The following FMN1 variants were observed in gnomAD, a reference collection of about 807,000 sequenced individuals.
FMN1 encodes the protein formin 1.
A neutral mutation model predicts 132.4 loss-of-function variants in FMN1; 110 were observed. The ratio of observed to expected loss-of-function variants is 0.83; its 90% CI spans 0.71 to 0.97. FMN1 has a LOEUF of 0.97. Among genes scored for constraint, FMN1 ranks in the 50% least tolerant of loss-of-function variants. The pLI is 0.00. For synonymous variants in FMN1, 722 were observed against 651.7 expected (o/e 1.11, Z -1.64); for missense variants, 1,792 against 1,705.3 (o/e 1.05, Z -0.90).
At chr15:33,030,877 G>C (rs2035904895) in intron 6 of FMN1, among the ~76,000 whole-genome samples, 1 of 152,032 alleles carries the variant, frequency 6.6e-6, no homozygotes, top group South Asian at 2.1e-4. Flanking sequence ...GAATGTGCAG[G>C]TTTATTACAT....
At chr15:32,982,846 T>A (rs1368004873) in intron 7 of FMN1, among the ~76,000 whole-genome samples, 2 of 152,100 alleles carry the variant, frequency 1.3e-5, no homozygotes, top group African/African-American at 4.8e-5. Context: ...CCCTCCTGAA[T>A]CTCAGGCCTC....
intron 17 of FMN1, among the ~76,000 whole-genome samples, chr15:32,825,240 C>G (rs2058334763): frequency 6.6e-6 from 1 of 152,208 alleles, no homozygotes; most frequent in Non-Finnish European, 1.5e-5. Flanking sequence ...TCTTTTAAAA[C>G]ATGAATGTAG....
intron 10 of FMN1, among the ~76,000 whole-genome samples, chr15:32,919,327 C>A (rs1459592802): frequency 6.6e-6 from 1 of 152,156 alleles, no homozygotes; most frequent in Non-Finnish European, 1.5e-5. Context: ...AGTACAAACT[C>A]TTCATCAGTT....
At chr15:33,157,353 TAA>T (rs542985879) in intron 3 of FMN1, among the ~76,000 whole-genome samples, 155 of 152,218 alleles carry the variant, frequency 1.0e-3, no homozygotes, top group South Asian at 2.9e-3. Flanking sequence ...TTCTATTCCC[TAA>T]GAGAGGGAAT....
intron 7 of FMN1, among the ~76,000 whole-genome samples, chr15:32,999,362 G>A (rs747709105): frequency 6.6e-6 from 1 of 152,180 alleles, no homozygotes; most frequent in African/African-American, 2.4e-5. Flanking sequence ...ACTCAATTCT[G>A]TTTCAACAGC....
intron 17 of FMN1, among the ~76,000 whole-genome samples, chr15:32,827,981 A>C (rs1337904405): frequency 6.6e-6 from 1 of 151,954 alleles, no homozygotes; most frequent in East Asian, 2.0e-4. Flanking sequence ...CAACTGAATA[A>C]TGTATAGTGG....
chr15:33,018,068 A>G (rs1275754607), intron 6 of FMN1, among the ~76,000 whole-genome samples: 3 of 4,782 alleles, frequency 6.3e-4, no homozygotes, highest in Non-Finnish European at 1.8e-3. Context: ...ACCTCTCAAG[A>G]AAAAAAAAAA....
chr15:32,901,290 C>A (rs2060289628), intron 13 of FMN1, among the ~76,000 whole-genome samples: 1 of 152,160 alleles, frequency 6.6e-6, no homozygotes, highest in Admixed American at 6.5e-5. Context: ...TGAAATATCT[C>A]ATATCTTAGA....
chr15:32,927,848 A>G (rs1182861464), intron 9 of FMN1, among the ~76,000 whole-genome samples: 3 of 152,242 alleles, frequency 2.0e-5, no homozygotes, highest in African/African-American at 7.2e-5. Flanking sequence ...GCTGGTTAAA[A>G]TACAAACTAG....
intron 9 of FMN1, among the ~76,000 whole-genome samples, chr15:32,945,851 A>C (rs78308773): frequency 0.085 from 13,005 of 152,132 alleles, 874 homozygotes; most frequent in African/African-American, 0.18. Flanking sequence ...CAAGGGAAAC[A>C]CTTCTTCCTT....
intron 7 of FMN1, among the ~76,000 whole-genome samples, chr15:32,988,175 G>C (rs1471200882): frequency 2.0e-5 from 3 of 150,558 alleles, no homozygotes; most frequent in African/African-American, 7.3e-5. Context: ...TCTGGACACT[G>C]ACCCATAGCT....
intron 7 of FMN1, among the ~76,000 whole-genome samples, chr15:32,986,613 A>G (rs768866385): frequency 5.3e-5 from 8 of 152,150 alleles, no homozygotes; most frequent in Non-Finnish European, 8.8e-5. Context: ...TAAAATAATA[A>G]ACGGAATTTG....
At chr15:33,151,250 A>G in intron 4 of FMN1, 1 of 1,535,960 alleles carries the variant, frequency 6.5e-7, no homozygotes, top group Non-Finnish European at 8.7e-7. Context: ...CCATATCAAA[A>G]AAAGCTCTTA....
chr15:33,154,626 G>GTC lies in FMN1; in HGVS notation c.287_288dup (p.Leu97AspfsTer3). On this transcript the variant is annotated frameshift_variant, in exon 4 of 21. Transcript: ENST00000616417. LOFTEE classifies it high-confidence loss of function. ...TCTGAGCTCAGGAGATTGGTTAGCA[G>GTC]TCTCTCCCTCTCTGTTGTGAGTTTG... is the stretch of plus-strand genomic sequence containing the variant. 3 of 1,536,092 alleles carry GTC rather than the reference G, an allele frequency of 2.0e-6. No individual in the cohort carries two copies. The highest frequency in any genetic ancestry group is 2.6e-6 in the Non-Finnish European group (3 of 1,146,910).
intron 4 of FMN1, among the ~76,000 whole-genome samples, chr15:33,130,481 G>A (rs1963492493): frequency 6.6e-6 from 1 of 152,186 alleles, no homozygotes; most frequent in Non-Finnish European, 1.5e-5. Flanking sequence ...CTAAGAATGA[G>A]ATAAGGAGGT....
At position 33,104,768 on chromosome 15, in the gene FMN1, TA is replaced by T. The variant is rs2039421039; in HGVS notation, c.1868-15795del. On this transcript the variant is annotated intron_variant, in intron 4 of 20. Coordinates refer to ENST00000616417, the MANE Select transcript of FMN1 (RefSeq NM_001277313.2). ...AAAAAAGAGTAAAGGAAAAATGAGA[TA>T]ATTTGATATAAATTTGTAAAGGTAT... Among the ~76,000 whole-genome samples, 6 of 152,276 alleles carry T rather than the reference TA, an allele frequency of 3.9e-5. No individual in the cohort carries two copies. The South Asian group carries it at 1.2e-3, about 32-fold the overall frequency.
At chr15:32,900,678 T>C (rs1290728301) in intron 13 of FMN1, among the ~76,000 whole-genome samples, 1 of 152,232 alleles carries the variant, frequency 6.6e-6, no homozygotes, top group African/African-American at 2.4e-5. Flanking sequence ...AAACTTACTT[T>C]ATTAAGTGCT....
intron 3 of FMN1, among the ~76,000 whole-genome samples, chr15:33,172,203 G>A (rs1965353117): frequency 6.8e-6 from 1 of 147,252 alleles, no homozygotes; most frequent in Non-Finnish European, 1.5e-5. Context: ...GCGAGACTCC[G>A]TCTCAAAAAA....
At chr15:32,799,339 G>C (rs1281735416) in intron 18 of FMN1, among the ~76,000 whole-genome samples, 1 of 152,152 alleles carries the variant, frequency 6.6e-6, no homozygotes, top group Non-Finnish European at 1.5e-5. Context: ...ATTAGCAGCG[G>C]TCAGTTCGAT....
Sources: gnomAD v4.1 joint callset for allele counts (sites outside exome capture counted in the v4.1 genomes callset) on GRCh38, gnomAD v4.1.1 for gene constraint, MANE v1.5 for transcripts, NCBI Gene and HGNC (gene_info 2026-07-23, HGNC 2026-07-21) for gene names.